The following PHF14 variants were observed in gnomAD, a reference collection of about 807,000 sequenced individuals.
PHF14 encodes PHD finger protein 14.
PHF14 carries 55 observed loss-of-function variants against 117.9 expected under a neutral mutation model. The observed-to-expected ratio is 0.47, with a 90% CI of 0.38 to 0.58. The LOEUF is 0.58. Ranked by LOEUF, PHF14 falls within the 20% of genes least tolerant of loss-of-function variation. The pLI is 0.00. For missense variants in PHF14, 978 were observed against 1,122.2 expected (o/e 0.87, Z 1.84); for synonymous variants, 409 against 368.6 (o/e 1.11, Z -1.26).
chr7:10,975,381 C>G (rs535011712), intron 2 of PHF14, among the ~76,000 whole-genome samples: 12 of 152,040 alleles, frequency 7.9e-5, no homozygotes, highest in Non-Finnish European at 1.5e-4. Context: ...AGCTCTTTTA[C>G]TAGAATAAAA....
At position 11,056,901 on chromosome 7, in the gene PHF14, G is replaced by T. The variant is rs1440902700; in HGVS notation, c.2482-4890G>T. ...GAAAGCTACTGGCATTTATTCCCCA[G>T]CATAAATCTAATGCTATTTAGCTTA... On this transcript the variant is annotated intron_variant, in intron 14 of 17. Coordinates refer to ENST00000634607, the MANE Select transcript of PHF14 (RefSeq NM_001007157.2). Among the ~76,000 whole-genome samples the T allele has an allele frequency of 3.3e-5, 5 of 151,208 alleles. No homozygotes were observed. The South Asian group carries it at 8.4e-4, about 25-fold the overall frequency.
chr7:11,105,676 A>G, intron 16 of PHF14: 1 of 983,818 alleles, frequency 1.0e-6, no homozygotes, highest in Non-Finnish European at 1.2e-6. Flanking sequence ...GATTTCTAAG[A>G]TAGGCATGCT....
At chr7:11,057,887 AAAAC>A (rs1339476931) in intron 14 of PHF14, among the ~76,000 whole-genome samples, 1 of 152,186 alleles carries the variant, frequency 6.6e-6, no homozygotes, top group Non-Finnish European at 1.5e-5. Context: ...AAAAAAAAGA[AAAAC>A]AAAAAATTGG....
chr7:11,153,722 C>T (rs773745425), intron 17 of PHF14, among the ~76,000 whole-genome samples: 3 of 151,886 alleles, frequency 2.0e-5, no homozygotes, highest in Admixed American at 6.6e-5. Flanking sequence ...AACAGAAAAC[C>T]CACCTACTTT....
At chr7:11,138,168 G>A (rs761600429) in intron 17 of PHF14, among the ~76,000 whole-genome samples, 2 of 151,492 alleles carry the variant, frequency 1.3e-5, no homozygotes, top group Non-Finnish European at 2.9e-5. Context: ...AGCCTCCCGA[G>A]TAGCTGGGAT....
At chr7:11,016,709 A>G (rs764770258) in intron 5 of PHF14, among the ~76,000 whole-genome samples, 4 of 152,140 alleles carry the variant, frequency 2.6e-5, no homozygotes, top group Admixed American at 2.6e-4. Context: ...TGGGGTATCC[A>G]TTTCTCAAAC....
At chr7:11,020,408 G>C (rs1022889810) in intron 5 of PHF14, among the ~76,000 whole-genome samples, 3 of 151,878 alleles carry the variant, frequency 2.0e-5, no homozygotes, top group Admixed American at 6.6e-5. Flanking sequence ...GAGAACGTCT[G>C]GCTTTGTCAC....
chr7:11,079,309 G>A (rs988447247), intron 16 of PHF14, among the ~76,000 whole-genome samples: 7 of 152,020 alleles, frequency 4.6e-5, no homozygotes, highest in Non-Finnish European at 7.4e-5. Flanking sequence ...TAAGCTGAGC[G>A]GTTATTCTAA....
chr7:11,106,930 G>T, intron 16 of PHF14: 1 of 983,978 alleles, frequency 1.0e-6, no homozygotes, highest in Non-Finnish European at 1.2e-6. Flanking sequence ...TGGCATAAAA[G>T]ATAATGTGAT....
intron 1 of PHF14, among the ~76,000 whole-genome samples, chr7:10,974,604 A>C (rs1325466984): frequency 6.6e-6 from 1 of 152,304 alleles, no homozygotes; most frequent in Admixed American, 6.5e-5. Context: ...AGCTGGTCTG[A>C]GTTGGCGTTG....
chr7:11,127,947 C>T (rs1161082391), intron 17 of PHF14, among the ~76,000 whole-genome samples: 3 of 151,778 alleles, frequency 2.0e-5, no homozygotes, highest in Non-Finnish European at 4.4e-5. Context: ...TATACCAGTT[C>T]CTGAACTCCT....
intron 16 of PHF14, chr7:11,108,399 C>G (rs1787339960): frequency 6.6e-6 from 1 of 151,618 alleles, no homozygotes; most frequent in South Asian, 2.1e-4. Flanking sequence ...GGTACTACTA[C>G]TTTTTGCTAC....
In PHF14 at chr7:11,107,494, A is replaced by C. The variant is rs1013500987; in HGVS notation, c.2655-3856A>C. ...ATCTAATTAGGTTTGCTTTTATCTT[A>C]TAATTGGGATTCCTTTATGCTCTAT... is the stretch of plus-strand genomic sequence containing the variant. On this transcript the variant is annotated intron_variant, in intron 16 of 17. Transcript: ENST00000634607. 7 of 862,234 alleles carry C rather than the reference A, an allele frequency of 8.1e-6. No homozygotes were observed. In the Admixed American group the frequency reaches 4.4e-4, roughly 54 times the overall value. The allele number at this position is 862,234 out of a possible 1,614,324, so 53.4% of individuals were successfully genotyped here.
Position 11,036,447 on chromosome 7 carries a change from T to C in PHF14, c.1632T>C (p.Tyr544=), listed in dbSNP as rs757306124. The stretch of plus-strand genomic sequence containing the variant: ...GGATCAATGCCCGGCTTCAGCAGTA[T>C]CGTGCCAAAGCAGAACTAGCTCGAT... ...QARINARLQQ[Y]RAKAELARST... is the part of the protein sequence containing the mutation. The change falls in exon 9 of 18, where the codon TAT becomes TAC. Residue 544 remains tyrosine, a synonymous_variant. Coordinates refer to ENST00000634607, the MANE Select transcript of PHF14 (RefSeq NM_001007157.2). 1.2e-6 allele frequency: 2 copies of C among 1,613,694 alleles called. No homozygotes were observed. Among genetic ancestry groups the C allele is most frequent in the Non-Finnish European group, 1.7e-6 (2 of 1,179,694 alleles).
intron 16 of PHF14, 153 bp from the exon 17 acceptor site, chr7:11,111,197 C>T: frequency 2.0e-6 from 1 of 489,970 alleles, no homozygotes; most frequent in Non-Finnish European, 3.6e-6. Context: ...TTGCCTTTAT[C>T]ATCATCATTA....
intron 8 of PHF14, among the ~76,000 whole-genome samples, chr7:11,036,091 G>GTTTGT (rs1784318698): frequency 6.6e-6 from 1 of 152,106 alleles, no homozygotes; most frequent in Non-Finnish European, 1.5e-5. Flanking sequence ...AAAGGATTTA[G>GTTTGT]TCAGTTTGCC....
chr7:11,137,639 A>G (rs533494240), intron 17 of PHF14, among the ~76,000 whole-genome samples: 2 of 119,440 alleles, frequency 1.7e-5, no homozygotes, highest in African/African-American at 6.6e-5. Flanking sequence ...CTTGTTGCCC[A>G]GGCTAGAGTG....
At position 11,112,696 on chromosome 7, in the gene PHF14, G is replaced by A. The variant is rs557606802; in HGVS notation, c.2772+1229G>A. On this transcript the variant is annotated intron_variant, in intron 17 of 17. Coordinates refer to ENST00000634607, the MANE Select transcript of PHF14 (RefSeq NM_001007157.2). Reference sequence around the variant, plus strand: ...TGAGGCAGGAGAATCACTTGAACCCGGGAGGCAGAGGTTGCAGTGAACCGA... The same window carrying A: ...TGAGGCAGGAGAATCACTTGAACCCAGGAGGCAGAGGTTGCAGTGAACCGA... Among the ~76,000 whole-genome samples the A allele has an allele frequency of 1.1e-4, 16 of 151,958 alleles. 1 individual carries two copies. Among genetic ancestry groups the A allele is most frequent in the African/African-American group, 2.9e-4 (12 of 41,468 alleles).
At chr7:10,978,183 G>A (rs1781934393) in intron 2 of PHF14, among the ~76,000 whole-genome samples, 1 of 152,190 alleles carries the variant, frequency 6.6e-6, no homozygotes, top group Admixed American at 6.5e-5. Context: ...AGTGGACCAA[G>A]ATGTGTTCAT....
Sources: gnomAD v4.1 joint callset for allele counts (sites outside exome capture counted in the v4.1 genomes callset) on GRCh38, gnomAD v4.1.1 for gene constraint, MANE v1.5 for transcripts, NCBI Gene and HGNC (gene_info 2026-07-23, HGNC 2026-07-21) for gene names.